Variants in KLHL25 observed in about 807,000 individuals in gnomAD.
The protein encoded by KLHL25 is kelch like family member 25, also known as kelch-like protein 25.
KLHL25 carries 41 observed loss-of-function variants against 30.0 expected under a neutral mutation model. The ratio of observed to expected loss-of-function variants is 1.37; its 90% CI spans 1.07 to 1.78. The LOEUF is 1.78. KLHL25 is among the 40% of genes most tolerant of loss of function. The probability of loss-of-function intolerance (pLI) is 0.00; values close to 1 mark genes in which losing one functional copy is unlikely to be tolerated. For missense variants in KLHL25, 971 were observed against 824.5 expected (o/e 1.18, Z -2.18); for synonymous variants, 399 against 355.3 (o/e 1.12, Z -1.38).
At chr15:85,785,162 C>A (rs112008490) in intron 1 of KLHL25, among the ~76,000 whole-genome samples, 1 of 147,160 alleles carries the variant, frequency 6.8e-6, no homozygotes, top group African/African-American at 2.5e-5. Flanking sequence ...GGTGTGATCT[C>A]GGCTCACTGC....
chr15:85,776,159 C>T (rs1475666184), intron 1 of KLHL25, among the ~76,000 whole-genome samples: 3 of 114,150 alleles, frequency 2.6e-5, no homozygotes, highest in African/African-American at 6.7e-5. Flanking sequence ...GGCGACAGAG[C>T]GAGACTCTGT....
Position 85,769,669 on chromosome 15 carries a change from C to A in KLHL25, c.142G>T (p.Val48Phe), listed in dbSNP as rs759868504. 1 of 1,613,816 alleles carries A rather than the reference C, an allele frequency of 6.2e-7. No individual in the cohort carries two copies. The highest frequency in any genetic ancestry group is 8.5e-7 in the Non-Finnish European group (1 of 1,180,036). The change falls in exon 2 of 3, where the codon GTC (valine) becomes TTC (phenylalanine). Residue 48 changes from valine to phenylalanine, a missense_variant. By Grantham distance (50) the Val-to-Phe change is conservative. Transcript: ENST00000337975. ...TLRKHCMFTD[V>F]TLWAGDRAFP... is the part of the protein sequence containing the mutation. ...GCACGGTCGCCCGCCCAGAGTGTGA[C>A]GTCGGTGAACATGCAGTGCTTGCGA...
chr15:85,794,584 C>T (rs2089840122), intron 1 of KLHL25, among the ~76,000 whole-genome samples, 182 bp downstream of exon 1: 1 of 152,124 alleles, frequency 6.6e-6, no homozygotes, highest in South Asian at 2.1e-4. Context: ...GGCCGCCGCT[C>T]CCCACCATTG....
chr15:85,777,840 C>T (rs2089719320), intron 1 of KLHL25, among the ~76,000 whole-genome samples: 1 of 152,168 alleles, frequency 6.6e-6, no homozygotes, highest in South Asian at 2.1e-4. Flanking sequence ...AAAGATGAAG[C>T]AACACGTGCT....
At chr15:85,779,261 C>G (rs993676720) in intron 1 of KLHL25, among the ~76,000 whole-genome samples, 5 of 152,116 alleles carry the variant, frequency 3.3e-5, no homozygotes, top group African/African-American at 1.2e-4. Context: ...AAGCCACACC[C>G]AGGAGCTCCA....
chr15:85,770,449 GGGCTCCAAGCGGTACT>G (rs2089663225), intron 1 of KLHL25: 1 of 525,544 alleles, frequency 1.9e-6, no homozygotes, highest in Non-Finnish European at 3.9e-6. Flanking sequence ...GCCCTGGGCC[GGGCTCCAAGCGGTACT>G]GGCTAGACAT....
chr15:85,771,438 A>G (rs2089671681), intron 1 of KLHL25, among the ~76,000 whole-genome samples: 1 of 152,242 alleles, frequency 6.6e-6, no homozygotes, highest in Non-Finnish European at 1.5e-5. Context: ...AAAGGTAGGA[A>G]ACGATTTCAT....
chr15:85,793,092 C>G (rs1196817561), intron 1 of KLHL25, among the ~76,000 whole-genome samples: 1 of 149,084 alleles, frequency 6.7e-6, no homozygotes, highest in Non-Finnish European at 1.5e-5. Flanking sequence ...ATAGACGGGA[C>G]GAACCAAGCT....
intron 1 of KLHL25, among the ~76,000 whole-genome samples, chr15:85,787,743 G>A (rs894452013): frequency 6.6e-6 from 1 of 152,156 alleles, no homozygotes; most frequent in African/African-American, 2.4e-5. Context: ...ACACTAAGTG[G>A]TATAAGTTGT....
chr15:85,769,731 G>A lies in KLHL25; in HGVS notation c.80C>T (p.Ser27Phe). ...SMNVTLFHKA[S>F]HPDCVLAHLN... Reference sequence around the variant, plus strand: ...GTGGGCCAGCACACAGTCCGGGTGGGAGGCCTTGTGGAAGAGGGTGACGTT... The same window carrying A: ...GTGGGCCAGCACACAGTCCGGGTGGAAGGCCTTGTGGAAGAGGGTGACGTT... The change falls in exon 2 of 3, where the codon TCC becomes TTC. Residue 27 changes from serine to phenylalanine, a missense_variant. Ser to Phe is a radical substitution (Grantham distance 155, BLOSUM62 -2). Transcript: ENST00000337975. 1 of 1,613,906 alleles carries A rather than the reference G, an allele frequency of 6.2e-7. No individual in the cohort carries two copies. The highest frequency in any genetic ancestry group is 8.5e-7 in the Non-Finnish European group (1 of 1,180,056).
chr15:85,785,027 C>A (rs759578864), intron 1 of KLHL25, among the ~76,000 whole-genome samples: 6 of 152,076 alleles, frequency 3.9e-5, no homozygotes, highest in Non-Finnish European at 4.4e-5. Context: ...AGACAACTCA[C>A]GCTTTCTGCA....
chr15:85,784,312 G>C (rs534422723), intron 1 of KLHL25, among the ~76,000 whole-genome samples: 29 of 152,148 alleles, frequency 1.9e-4, no homozygotes, highest in African/African-American at 7.0e-4. Context: ...GCGGATCACC[G>C]GAGGTCAGGA....
chr15:85,771,120 G>C lies in KLHL25; in HGVS notation c.-10-1300C>G, dbSNP rs1433587102. The C allele has an allele frequency of 2.7e-5, 5 of 186,848 alleles. No homozygotes were observed. In the East Asian group the frequency reaches 5.8e-4, roughly 22 times the overall value. 11.6% of individuals were successfully genotyped at this position (186,848 alleles called of 1,614,324 possible). A position where few individuals can be genotyped will look rare whatever the true frequency, so the allele number is the denominator to read the frequency against. On this transcript the variant is annotated intron_variant, in intron 1 of 2. Coordinates refer to ENST00000337975, the MANE Select transcript of KLHL25 (RefSeq NM_022480.4). ...GACCACCTTGTCAAGACCCTCACCA[G>C]AGTCTCCATGCAGAGGACCTACGCT...
At chr15:85,773,048 A>G (rs2151808769) in intron 1 of KLHL25, among the ~76,000 whole-genome samples, 1 of 152,342 alleles carries the variant, frequency 6.6e-6, no homozygotes, top group South Asian at 2.1e-4. Context: ...CCTGATCCCA[A>G]GTGAGGCACT....
At chr15:85,771,728 T>C (rs1223661922) in intron 1 of KLHL25, among the ~76,000 whole-genome samples, 3 of 152,210 alleles carry the variant, frequency 2.0e-5, no homozygotes, top group Admixed American at 6.5e-5. Flanking sequence ...TTAGCCCTTC[T>C]GGGGGTTGGG....
At position 85,777,988 on chromosome 15, in the gene KLHL25, T is replaced by A. The variant is rs1263902679; in HGVS notation, c.-10-8168A>T. On this transcript the variant is annotated intron_variant, in intron 1 of 2. Coordinates refer to ENST00000337975, the MANE Select transcript of KLHL25 (RefSeq NM_022480.4). ...CAAGCTCAACATGGTTATGACTTTC[T>A]GTCTTAATCAGGACGGATGAGGTTC... Among the ~76,000 whole-genome samples, 4 of 152,258 alleles carry A rather than the reference T, an allele frequency of 2.6e-5. No homozygotes were observed. In the East Asian group the frequency reaches 7.7e-4, roughly 29 times the overall value.
chr15:85,780,464 G>A (rs1302542848), intron 1 of KLHL25, among the ~76,000 whole-genome samples: 1 of 152,202 alleles, frequency 6.6e-6, no homozygotes, highest in Non-Finnish European at 1.5e-5. Context: ...GGACCTGGAG[G>A]GAGGCTGTCT....
In KLHL25 at chr15:85,769,085, C is replaced by T. The variant is rs534171698; in HGVS notation, c.726G>A (p.Pro242=). ...LLRSVRLALL[P]SDCLQEAVSS... is the part of the protein sequence containing the mutation. Reference sequence around the variant, plus strand: ...AGACGGCCTCCTGCAGGCAGTCGGACGGCAGCAAGGCCAGACGCACGCTGC... The same window carrying T: ...AGACGGCCTCCTGCAGGCAGTCGGATGGCAGCAAGGCCAGACGCACGCTGC... Residue 242 remains proline (P), a synonymous_variant, in exon 2 of 3, where the codon CCG becomes CCA. Transcript: ENST00000337975. 30 of 1,606,396 alleles carry T rather than the reference C, an allele frequency of 1.9e-5. No individual in the cohort carries two copies. The highest frequency in any genetic ancestry group is 1.1e-4 in the South Asian group (10 of 90,862).
chr15:85,779,588 A>G (rs2089731220), intron 1 of KLHL25, among the ~76,000 whole-genome samples: 3 of 152,224 alleles, frequency 2.0e-5, no homozygotes, highest in South Asian at 4.1e-4. Flanking sequence ...TATTATTTTC[A>G]GCTTTTATCC....
Sources: gnomAD v4.1 joint callset for allele counts (sites outside exome capture counted in the v4.1 genomes callset) on GRCh38, gnomAD v4.1.1 for gene constraint, MANE v1.5 for transcripts, NCBI Gene and HGNC (gene_info 2026-07-23, HGNC 2026-07-21) for gene names.